Variants in TSPAN14 observed in about 807,000 individuals in gnomAD.
The protein encoded by TSPAN14 is tetraspanin-14.
In TSPAN14, 16 loss-of-function variants were observed where a neutral mutation model predicts 36.6. The ratio of observed to expected loss-of-function variants is 0.44; its 90% CI spans 0.30 to 0.66. The LOEUF is 0.66. Ranked by LOEUF, TSPAN14 falls within the 30% of genes least tolerant of loss-of-function variation. The probability of loss-of-function intolerance (pLI) is 0.12; values close to 1 mark genes in which losing one functional copy is unlikely to be tolerated. For synonymous variants in TSPAN14, 139 were observed against 143.8 expected (o/e 0.97, Z 0.24); for missense variants, 231 against 355.1 (o/e 0.65, Z 2.81).
intron 1 of TSPAN14, among the ~76,000 whole-genome samples, chr10:80,455,675 T>C (rs1383284984): frequency 6.6e-6 from 1 of 152,028 alleles, no homozygotes; most frequent in Non-Finnish European, 1.5e-5. Context: ...GAGTGGTTGG[T>C]GGGGGCGGCC....
exon 9 of TSPAN14, chr10:80,521,720 T>C (rs540089898): frequency 1.3e-5 from 2 of 152,114 alleles, no homozygotes; most frequent in Non-Finnish European, 2.9e-5. Flanking sequence ...TAAAGGCATG[T>C]TCACCATCCT....
chr10:80,500,437 C>A (rs535349881), intron 2 of TSPAN14, among the ~76,000 whole-genome samples: 1 of 140,918 alleles, frequency 7.1e-6, no homozygotes, highest in Admixed American at 7.8e-5. Context: ...TCAAGTGATT[C>A]TCTTGCCTCA....
intron 3 of TSPAN14, among the ~76,000 whole-genome samples, chr10:80,505,431 G>A (rs1464629604): frequency 6.6e-6 from 1 of 152,210 alleles, no homozygotes; most frequent in East Asian, 1.9e-4. Context: ...AGGCCAGGGA[G>A]GGAAGAGGGG....
chr10:80,501,209 C>T lies in TSPAN14; in HGVS notation c.82-3519C>T, dbSNP rs142161668. The stretch of plus-strand genomic sequence containing the variant: ...TCACCCTTGACCTCCCAAGTTCAAG[C>T]AGTCCTCCCACCTCGGCCTCCCTGG... On this transcript the variant is annotated intron_variant, in intron 2 of 8. Coordinates refer to ENST00000429989, the Ensembl canonical transcript of TSPAN14. Among the ~76,000 whole-genome samples, 536 of 151,240 alleles carry T rather than the reference C, an allele frequency of 3.5e-3. 5 individuals carry two copies. The highest frequency in any genetic ancestry group is 0.013 in the African/African-American group (523 of 41,148).
exon 9 of TSPAN14, chr10:80,520,526 A>C: frequency 2.1e-6 from 1 of 480,168 alleles, no homozygotes; most frequent in South Asian, 1.6e-5. Flanking sequence ...CCCTCTTCTC[A>C]CCTCACCATG....
exon 9 of TSPAN14, chr10:80,521,112 A>G (rs1841246772): frequency 3.3e-6 from 1 of 302,646 alleles, no homozygotes; most frequent in African/African-American, 2.2e-5. Context: ...GATTCCATGC[A>G]GAGGCCACTG....
chr10:80,470,999 T>G (rs1846517814), intron 1 of TSPAN14, among the ~76,000 whole-genome samples: 1 of 152,204 alleles, frequency 6.6e-6, no homozygotes, highest in Non-Finnish European at 1.5e-5. Flanking sequence ...AGCTTCTAGA[T>G]GTGCTGCCCT....
chr10:80,507,190 C>A, intron 3 of TSPAN14, 38 bp from the exon 4 acceptor site: 1 of 1,613,698 alleles, frequency 6.2e-7, no homozygotes, highest in Non-Finnish European at 8.5e-7. Context: ...GACTCCCCTT[C>A]TGGGCCAGTG....
chr10:80,480,946 G>A (rs1057456332), intron 1 of TSPAN14, among the ~76,000 whole-genome samples: 3 of 151,942 alleles, frequency 2.0e-5, no homozygotes, highest in African/African-American at 7.3e-5. Flanking sequence ...TAAAATAAAA[G>A]AATATAAAAA....
At chr10:80,521,545 TC>T (rs1841265067) in exon 9 of TSPAN14, 1 of 152,144 alleles carries the variant, frequency 6.6e-6, no homozygotes, top group Non-Finnish European at 1.5e-5. Flanking sequence ...TAGAGACACT[TC>T]CCTCTGTCAT....
chr10:80,520,578 C>T (rs1841209034), exon 9 of TSPAN14: 1 of 529,786 alleles, frequency 1.9e-6, no homozygotes, highest in Non-Finnish European at 3.9e-6. Flanking sequence ...CCTGTACCCC[C>T]TCCTCAACCC....
intron 8 of TSPAN14, among the ~76,000 whole-genome samples, chr10:80,517,041 G>A (rs1044554422): frequency 2.0e-5 from 3 of 152,182 alleles, no homozygotes; most frequent in African/African-American, 7.2e-5. Flanking sequence ...TCTTTCCAGT[G>A]CTGTTCAGGG....
chr10:80,498,265 C>A (rs73305183), intron 2 of TSPAN14, among the ~76,000 whole-genome samples: 1 of 152,234 alleles, frequency 6.6e-6, no homozygotes, highest in South Asian at 2.1e-4. Flanking sequence ...CTGGGGTTTC[C>A]GTCTGGTGTA....
chr10:80,518,037 T>G (rs1841039330), exon 9 of TSPAN14: 1 of 1,521,508 alleles, frequency 6.6e-7, no homozygotes. Context: ...TTCTCTGCCA[T>G]CAGCCCTACG....
intron 1 of TSPAN14, among the ~76,000 whole-genome samples, chr10:80,460,544 T>A (rs1845918367): frequency 6.6e-6 from 1 of 152,176 alleles, no homozygotes; most frequent in African/African-American, 2.4e-5. Context: ...CACTGGCCTG[T>A]CCCTCAGGAG....
At chr10:80,485,970 C>T (rs933338397) in intron 1 of TSPAN14, among the ~76,000 whole-genome samples, 3 of 152,140 alleles carry the variant, frequency 2.0e-5, no homozygotes, top group African/African-American at 4.8e-5. Flanking sequence ...CATCAGGATA[C>T]GTTGTCTGGG....
At chr10:80,454,711 C>T (rs965027654) in intron 1 of TSPAN14, among the ~76,000 whole-genome samples, 1 of 152,114 alleles carries the variant, frequency 6.6e-6, no homozygotes, top group Non-Finnish European at 1.5e-5. Flanking sequence ...CCGTGCCGGG[C>T]GGGGTGAGGG....
At chr10:80,499,962 C>T (rs149988614) in intron 2 of TSPAN14, among the ~76,000 whole-genome samples, 258 of 152,312 alleles carry the variant, frequency 1.7e-3, no homozygotes, top group African/African-American at 5.7e-3. Context: ...AACCCTCACT[C>T]CCAGAAGATT....
intron 3 of TSPAN14, 144 bp downstream of exon 3, chr10:80,504,922 C>A: frequency 1.1e-6 from 1 of 923,548 alleles, no homozygotes; most frequent in Non-Finnish European, 1.7e-6. Context: ...TCTTTACAGA[C>A]ACAGCTCTTG....
Sources: gnomAD v4.1 joint callset for allele counts (sites outside exome capture counted in the v4.1 genomes callset) on GRCh38, gnomAD v4.1.1 for gene constraint, MANE v1.5 for transcripts, NCBI Gene and HGNC (gene_info 2026-07-23, HGNC 2026-07-21) for gene names.